Variants in SOX10 observed in about 807,000 individuals in gnomAD.
The protein encoded by SOX10 is SRY-box transcription factor 10, also known as transcription factor SOX-10.
In SOX10, 3 loss-of-function variants were observed where a neutral mutation model predicts 35.0. That is an observed-to-expected ratio of 0.09 (90% CI 0.04 to 0.22). The LOEUF (loss-of-function observed/expected upper bound fraction) is 0.22, where lower values mean the gene tolerates loss of function less well. SOX10 is among the 10% of genes least tolerant of loss of function. The probability of loss-of-function intolerance (pLI) is 1.00; values close to 1 mark genes in which losing one functional copy is unlikely to be tolerated. For synonymous variants in SOX10, 285 were observed against 291.0 expected (o/e 0.98, Z 0.21); for missense variants, 436 against 655.1 (o/e 0.67, Z 3.65).
rs1372526277 is a variant in SOX10 at position 37,983,668 on chromosome 22, T to C, written c.117A>G (p.Gly39=). The change falls in exon 2 of 4, where the codon GGA becomes GGG. Residue 39 remains glycine (G), a synonymous_variant. Coordinates refer to ENST00000396884, the MANE Select transcript of SOX10 (RefSeq NM_006941.4). The surrounding 1 kb of genome is among the most constrained non-coding windows in gnomAD (Gnocchi z 9.5). ...GCCCCGGGCTGGCTCGCAGGCCCGA[T>C]CCGCCGCCGCCGCCGTCGGGCCCTA... ...PSLGPDGGGG[G]SGLRASPGPG... 6.3e-7 allele frequency: 1 copy of C among 1,579,500 alleles called. No individual in the cohort carries two copies. Among genetic ancestry groups the C allele is most frequent in the Non-Finnish European group, 8.6e-7 (1 of 1,169,276 alleles).
Position 37,972,351 on chromosome 22 carries a change from G to C in SOX10, c.*1144C>G, listed in dbSNP as rs1932085619. ...AATTTTATTATGTGGAATGCTTAATGCAGAGTTAATAGGGGCTAGAGTGGC... is the reference window on the plus strand; with the variant it reads ...AATTTTATTATGTGGAATGCTTAATCCAGAGTTAATAGGGGCTAGAGTGGC... On this transcript the variant is annotated 3_prime_UTR_variant, in exon 4 of 4. Coordinates refer to ENST00000396884, the MANE Select transcript of SOX10 (RefSeq NM_006941.4). The C allele has an allele frequency of 5.8e-6, 4 of 692,382 alleles. No homozygotes were observed. The highest frequency in any genetic ancestry group is 1.9e-5 in the African/African-American group (1 of 53,938). The allele number at this position is 692,382 out of a possible 1,614,324, so 42.9% of individuals were successfully genotyped here.
Position 37,974,825 on chromosome 22 carries a change from G to A in SOX10, c.698-627C>T, listed in dbSNP as rs929670177. 7.2e-5 allele frequency among the ~76,000 whole-genome samples: 11 copies of A among 152,174 alleles called. No homozygotes were observed. Among genetic ancestry groups the A allele is most frequent in the East Asian group, 5.8e-4 (3 of 5,190 alleles). On this transcript the variant is annotated intron_variant, in intron 3 of 3. Transcript: ENST00000396884. This position sits in a 1 kb window ranked among gnomAD's most constrained non-coding sequence, Gnocchi z 5.4. ...CCAGGTGGTCTGGCCCAGCCTTTGC[G>A]CTCTGCCAGCCCCGCTTCCACACCC...
chr22:37,973,259 C>T lies in SOX10; in HGVS notation c.*236G>A. 4.0e-6 allele frequency: 2 copies of T among 496,606 alleles called. No individual in the cohort carries two copies. Among genetic ancestry groups the T allele is most frequent in the African/African-American group, 1.9e-5 (1 of 51,934 alleles). The allele number at this position is 496,606 out of a possible 1,614,324, so 30.8% of individuals were successfully genotyped here. On this transcript the variant is annotated 3_prime_UTR_variant, in exon 4 of 4. Transcript: ENST00000396884. The stretch of plus-strand genomic sequence containing the variant: ...CCCTCATCTTTCAGTGTGGGTGCAA[C>T]AGTCAACCTCCTTCTCCTCTGTCCA...
Position 37,973,439 on chromosome 22 carries a change from G to T in SOX10, c.*56C>A. The T allele has an allele frequency of 1.7e-6, 2 of 1,194,516 alleles. No homozygotes were observed. The highest frequency in any genetic ancestry group is 2.4e-6 in the Non-Finnish European group (2 of 848,112). The allele number at this position is 1,194,516 out of a possible 1,614,324, so 74.0% of individuals were successfully genotyped here. A position where few individuals can be genotyped will look rare whatever the true frequency, so the allele number is the denominator to read the frequency against. Reference sequence around the variant, plus strand: ...CCAGGCCTGAGGTGGGCAAGGAACAGGGCACACAGGCTGGGGGCAGGGGCT... The same window carrying T: ...CCAGGCCTGAGGTGGGCAAGGAACATGGCACACAGGCTGGGGGCAGGGGCT... On this transcript the variant is annotated 3_prime_UTR_variant, in exon 4 of 4. Transcript: ENST00000396884.
In SOX10 at chr22:37,972,850, T is replaced by TCCA. The variant is rs1932100439; in HGVS notation, c.*644_*645insTGG. On this transcript the variant is annotated 3_prime_UTR_variant, in exon 4 of 4. Transcript: ENST00000396884. ...CTGTTTCTCAGACAAAGAATGAGGT[T>TCCA]ATTGGCACAGAATTGGATCAGGGGG... 1 of 153,554 alleles carries TCCA rather than the reference T, an allele frequency of 6.5e-6. No individual in the cohort carries two copies. The highest frequency in any genetic ancestry group is 1.4e-5 in the Non-Finnish European group (1 of 68,982). 9.5% of individuals were successfully genotyped at this position (153,554 alleles called of 1,614,324 possible).
In SOX10 at chr22:37,974,609, T is replaced by G. The variant is rs1337876952; in HGVS notation, c.698-411A>C. Among the ~76,000 whole-genome samples, 1 of 152,186 alleles carries G rather than the reference T, an allele frequency of 6.6e-6. No homozygotes were observed. The highest frequency in any genetic ancestry group is 1.5e-5 in the Non-Finnish European group (1 of 68,022). On this transcript the variant is annotated intron_variant, in intron 3 of 3. Coordinates refer to ENST00000396884, the MANE Select transcript of SOX10 (RefSeq NM_006941.4). This position sits in a 1 kb window ranked among gnomAD's most constrained non-coding sequence, Gnocchi z 5.4. ...CTCAGGTGATCCACCTGCCTCGGCCTCCCAAAGTGCTGGGATTACCATCAT... is the reference window on the plus strand; with the variant it reads ...CTCAGGTGATCCACCTGCCTCGGCCGCCCAAAGTGCTGGGATTACCATCAT...
chr22:37,973,538 G>T lies in SOX10; in HGVS notation c.1358C>A (p.Thr453Lys). Residue 453 changes from threonine to lysine, a missense_variant, in exon 4 of 4, where the codon ACA (threonine) becomes AAA (lysine). Physicochemically the swap from Thr to Lys is moderately conservative, Grantham distance 78. Coordinates refer to ENST00000396884, the MANE Select transcript of SOX10 (RefSeq NM_006941.4). ...SPSGPQSHSPTHWEQPVYTTL... is the reference protein window; with the variant it reads ...SPSGPQSHSPKHWEQPVYTTL... ...CGTATATACTGGCTGCTCCCAGTGT[G>T]TGGGGCTGTGGGACTGGGGCCCTGA... The T allele has an allele frequency of 6.2e-7, 1 of 1,611,556 alleles. No homozygotes were observed. Among genetic ancestry groups the T allele is most frequent in the Non-Finnish European group, 8.5e-7 (1 of 1,179,422 alleles).
Position 37,980,610 on chromosome 22 carries a change from CCAA to C in SOX10, c.429-2478_429-2476del, listed in dbSNP as rs2145773095. Among the ~76,000 whole-genome samples, 1 of 152,302 alleles carries C rather than the reference CCAA, an allele frequency of 6.6e-6. No individual in the cohort carries two copies. Among genetic ancestry groups the C allele is most frequent in the African/African-American group, 2.4e-5 (1 of 41,578 alleles). ...AGCCCAGCCTGCCCACCATGTAAAC[CCAA>C]TCTCCAGCACCAGTCCCCACTCAAC... On this transcript the variant is annotated intron_variant, in intron 2 of 3. Coordinates refer to ENST00000396884, the MANE Select transcript of SOX10 (RefSeq NM_006941.4). The surrounding 1 kb of genome is among the most constrained non-coding windows in gnomAD (Gnocchi z 4.1).
At position 37,980,362 on chromosome 22, in the gene SOX10, TTGCCCCC is replaced by T. The variant is rs1932360406; in HGVS notation, c.429-2234_429-2228del. 6.6e-6 allele frequency among the ~76,000 whole-genome samples: 1 copy of T among 152,118 alleles called. No homozygotes were observed. Among genetic ancestry groups the T allele is most frequent in the African/African-American group, 2.4e-5 (1 of 41,416 alleles). ...GCTCACTCTTTCACCTATCCTTCCC[TTGCCCCC>T]TGCCCAGCTGGCAGCCAGCATCAGC... On this transcript the variant is annotated intron_variant, in intron 2 of 3. Coordinates refer to ENST00000396884, the MANE Select transcript of SOX10 (RefSeq NM_006941.4). This position sits in a 1 kb window ranked among gnomAD's most constrained non-coding sequence, Gnocchi z 4.1.
Position 37,978,087 on chromosome 22 carries a change from C to G in SOX10, c.477G>C (p.Arg159=). 6.3e-7 allele frequency: 1 copy of G among 1,599,066 alleles called. No homozygotes were observed. The highest frequency in any genetic ancestry group is 1.1e-5 in the South Asian group (1 of 90,102). The part of the protein sequence containing the change: ...DKRPFIEEAE[R]LRMQHKKDHP... The stretch of plus-strand genomic sequence containing the variant: ...GGTCTTTCTTGTGCTGCATACGGAG[C>G]CGCTCAGCCTCCTCGATGAAGGGGC... The change falls in exon 3 of 4, where the codon CGG becomes CGC. Residue 159 remains arginine (R), a synonymous_variant. Coordinates refer to ENST00000396884, the MANE Select transcript of SOX10 (RefSeq NM_006941.4). The surrounding 1 kb of genome is among the most constrained non-coding windows in gnomAD (Gnocchi z 5.0).
At position 37,983,604 on chromosome 22, in the gene SOX10, C is replaced by T. The variant is rs866240813; in HGVS notation, c.181G>A (p.Gly61Ser). The T allele has an allele frequency of 5.0e-6, 8 of 1,607,714 alleles. No homozygotes were observed. The Middle Eastern group carries it at 8.3e-4, about 167-fold the overall frequency. Reference protein sequence around the residue: ...LGKVKKEQQDGEADDDKFPVC... With the variant: ...LGKVKKEQQDSEADDDKFPVC... Reference sequence around the variant, plus strand: ...GGGAACTTGTCATCGTCCGCCTCGCCGTCCTGCTGCTCCTTCTTGACCTTG... The same window carrying T: ...GGGAACTTGTCATCGTCCGCCTCGCTGTCCTGCTGCTCCTTCTTGACCTTG... Residue 61 changes from glycine (G) to serine (S), a missense_variant, in exon 2 of 4, where the codon GGC (glycine) becomes AGC (serine). Around this residue, in one of 3 missense-constraint regions of SOX10, gnomAD observed 97 missense variants for 95.5 expected, o/e 1.02. Coordinates refer to ENST00000396884, the MANE Select transcript of SOX10 (RefSeq NM_006941.4). This position sits in a 1 kb window ranked among gnomAD's most constrained non-coding sequence, Gnocchi z 9.5.
In SOX10 at chr22:37,983,830, G is replaced by A. The variant is rs1348246308; in HGVS notation, c.-46C>T. The A allele has an allele frequency of 2.2e-6, 3 of 1,356,688 alleles. No homozygotes were observed. Among genetic ancestry groups the A allele is most frequent in the Non-Finnish European group, 2.8e-6 (3 of 1,053,600 alleles). The allele number at this position is 1,356,688 out of a possible 1,614,324, so 84.0% of individuals were successfully genotyped here. A position where few individuals can be genotyped will look rare whatever the true frequency, so the allele number is the denominator to read the frequency against. ...CCGCCGCCTCGGCCGCCTCCCCCGG[G>A]CCAGCCGCCGGGGTCCTCGCAAAGA... On this transcript the variant is annotated 5_prime_UTR_variant, in exon 2 of 4. Transcript: ENST00000396884. This position sits in a 1 kb window ranked among gnomAD's most constrained non-coding sequence, Gnocchi z 9.5.
At chr22:37,982,352 C>T (rs1249497456) in intron 2 of SOX10, among the ~76,000 whole-genome samples, 1 of 152,196 alleles carries the variant, frequency 6.6e-6, no homozygotes, top group Non-Finnish European at 1.5e-5. Flanking sequence ...CTCACATCTC[C>T]TGGAGTCCCT....
chr22:37,977,028 C>T (rs534357787), intron 3 of SOX10, among the ~76,000 whole-genome samples: 2 of 151,858 alleles, frequency 1.3e-5, no homozygotes, highest in Non-Finnish European at 2.9e-5. Flanking sequence ...ATGAGCCAGA[C>T]GTGGCGGTGT....
chr22:37,974,091 G>C lies in SOX10; in HGVS notation c.805C>G (p.Pro269Ala). The change falls in exon 4 of 4, where the codon CCT (proline) becomes GCT (alanine). Residue 269 changes from proline to alanine, a missense_variant. By Grantham distance (27) the Pro-to-Ala change is conservative (BLOSUM62 -1). Transcript: ENST00000396884. The surrounding 1 kb of genome is among the most constrained non-coding windows in gnomAD (Gnocchi z 5.4). ...TCCACGTTGCCGAAGTCGATGTGAGGCTTCCCGCCCTCCCCCATGGAGCGC... is the reference window on the plus strand; with the variant it reads ...TCCACGTTGCCGAAGTCGATGTGAGCCTTCCCGCCCTCCCCCATGGAGCGC... ...DGRSMGEGGK[P>A]HIDFGNVDIG... The C allele has an allele frequency of 6.2e-7, 1 of 1,613,860 alleles. No homozygotes were observed. The highest frequency in any genetic ancestry group is 8.5e-7 in the Non-Finnish European group (1 of 1,180,016).
In SOX10 at chr22:37,973,813, C is replaced by T. The variant is rs771206415; in HGVS notation, c.1083G>A (p.Ala361=). The change falls in exon 4 of 4, where the codon GCG becomes GCA. Residue 361 remains alanine (A), a synonymous_variant. Coordinates refer to ENST00000396884, the MANE Select transcript of SOX10 (RefSeq NM_006941.4). ...TGTAGTGTGGGGGCCCCTGGGGCCC[C>T]GCGGTCTCTGTCTTCACCTGGGCTT... ...DAKAQVKTET[A]GPQGPPHYTD... 7.5e-6 allele frequency: 12 copies of T among 1,599,372 alleles called. No individual in the cohort carries two copies. The highest frequency in any genetic ancestry group is 1.7e-5 in the Admixed American group (1 of 59,108).
rs1161499795 is a variant in SOX10, at chr22:37,974,283, C to T, written c.698-85G>A. 4.8e-6 allele frequency: 5 copies of T among 1,044,738 alleles called. No individual in the cohort carries two copies. Among genetic ancestry groups the T allele is most frequent in the African/African-American group, 1.6e-5 (1 of 63,766 alleles). The allele number at this position is 1,044,738 out of a possible 1,614,324, so 64.7% of individuals were successfully genotyped here. A position where few individuals can be genotyped will look rare whatever the true frequency, so the allele number is the denominator to read the frequency against. ...GGCGCACGTGAACTTCCATGGTTCA[C>T]CTTCAGGCAGCGGGTGCCTCTGGGA... is the stretch of plus-strand genomic sequence containing the variant. On this transcript the variant is annotated intron_variant, in intron 3 of 3. Coordinates refer to ENST00000396884, the MANE Select transcript of SOX10 (RefSeq NM_006941.4). This position sits in a 1 kb window ranked among gnomAD's most constrained non-coding sequence, Gnocchi z 5.4.
rs772887957 is a variant in SOX10 at position 37,978,023 on chromosome 22, C to T, written c.541G>A (p.Gly181Arg). 3 of 1,611,444 alleles carry T rather than the reference C, an allele frequency of 1.9e-6. No individual in the cohort carries two copies. Among genetic ancestry groups the T allele is most frequent in the African/African-American group, 1.3e-5 (1 of 75,046 alleles). ...YKYQPRRRKN[G>R]KAAQGEAECP... ...TCCGCCTCGCCCTGGGCGGCCTTCC[C>T]GTTCTTCCGCCGCCTGGGCTGGTAC... is the stretch of plus-strand genomic sequence containing the variant. The change falls in exon 3 of 4, where the codon GGG (glycine) becomes AGG (arginine). Residue 181 changes from glycine (G) to arginine (R), a missense_variant. Gly to Arg is a moderately radical substitution (Grantham distance 125). Around this residue, in one of 3 missense-constraint regions of SOX10, gnomAD observed 285 missense variants for 402.9 expected, o/e 0.71. Coordinates refer to ENST00000396884, the MANE Select transcript of SOX10 (RefSeq NM_006941.4). The surrounding 1 kb of genome is among the most constrained non-coding windows in gnomAD (Gnocchi z 5.0).
In SOX10 at chr22:37,974,017, A is replaced by G; in HGVS notation, c.879T>C (p.Asp293=). 2 of 1,613,876 alleles carry G rather than the reference A, an allele frequency of 1.2e-6. No homozygotes were observed. Among genetic ancestry groups the G allele is most frequent in the Non-Finnish European group, 1.7e-6 (2 of 1,180,010 alleles). ...GCAGGTACTGGTCCAACTCAGCCAC[A>G]TCAAAGGTCTCCATGTTGGACATTA... ...HEVMSNMETF[D]VAELDQYLPP... The change falls in exon 4 of 4, where the codon GAT becomes GAC. Residue 293 remains aspartate, a synonymous_variant. Transcript: ENST00000396884. This position sits in a 1 kb window ranked among gnomAD's most constrained non-coding sequence, Gnocchi z 5.4.
Sources: gnomAD v4.1 joint callset for allele counts (sites outside exome capture counted in the v4.1 genomes callset) on GRCh38, gnomAD v4.1.1 for gene constraint, gnomAD v4.1.1 regional missense constraint, Gnocchi (gnomAD v3.1) non-coding constraint, MANE v1.5 for transcripts, NCBI Gene and HGNC (gene_info 2026-07-23, HGNC 2026-07-21) for gene names.